The following PRICKLE1 variants were observed in gnomAD, a reference collection of about 807,000 sequenced individuals.
PRICKLE1 encodes the protein prickle-like protein 1.
PRICKLE1 carries 14 observed loss-of-function variants against 70.2 expected under a neutral mutation model. The observed-to-expected ratio is 0.20, with a 90% confidence interval of 0.13 to 0.31. The LOEUF (loss-of-function observed/expected upper bound fraction) is 0.31. Among genes scored for constraint, PRICKLE1 ranks in the 10% least tolerant of loss-of-function variants. PRICKLE1 has a pLI of 1.00. For missense variants in PRICKLE1, 821 were observed against 1,026.2 expected, an observed-to-expected ratio of 0.80 and a Z score of 2.73; for synonymous variants, 357 against 379.9, an observed-to-expected ratio of 0.94 and a Z score of 0.70.
chr12:42,570,025 A>C (rs1940681644), intron 1 of PRICKLE1, among the ~76,000 whole-genome samples: 1 of 152,256 alleles, frequency 6.6e-6, no homozygotes, highest in South Asian at 2.1e-4. Flanking sequence ...GTGCTAATGG[A>C]CAAGTAAACT....
chr12:42,588,366 A>T (rs1218563845), intron 1 of PRICKLE1, among the ~76,000 whole-genome samples: 1 of 152,256 alleles, frequency 6.6e-6, no homozygotes, highest in Non-Finnish European at 1.5e-5. Flanking sequence ...ATGCATGAAC[A>T]GATACAAGAT....
intron 1 of PRICKLE1, among the ~76,000 whole-genome samples, chr12:42,555,607 A>G (rs1333410144): frequency 6.6e-6 from 1 of 152,220 alleles, no homozygotes; most frequent in Non-Finnish European, 1.5e-5. Flanking sequence ...GTTGAGTTTC[A>G]AATGACACAG....
chr12:42,479,410 T>C (rs1938706377), intron 1 of PRICKLE1, among the ~76,000 whole-genome samples: 1 of 152,232 alleles, frequency 6.6e-6, no homozygotes, highest in Non-Finnish European at 1.5e-5. Flanking sequence ...CGTGCACACA[T>C]TCGCACACAG....
In PRICKLE1 at chr12:42,472,556, C is replaced by T. The variant is rs370363439; in HGVS notation, c.-40G>A. ...GGTTTCTCAGTCACAGGACATCAAA[C>T]AATGGCTGCTGTGAACAATATAAGA... is the stretch of plus-strand genomic sequence containing the variant. On this transcript the variant is annotated 5_prime_UTR_variant, in exon 2 of 8. Coordinates refer to ENST00000345127, the MANE Select transcript of PRICKLE1 (RefSeq NM_153026.3). 1.1e-4 allele frequency: 171 copies of T among 1,613,496 alleles called. No homozygotes were observed. The highest frequency in any genetic ancestry group is 1.4e-4 in the Non-Finnish European group (160 of 1,179,634).
intron 1 of PRICKLE1, among the ~76,000 whole-genome samples, chr12:42,503,651 G>T (rs1174584413): frequency 1.3e-5 from 2 of 152,148 alleles, no homozygotes; most frequent in Non-Finnish European, 2.9e-5. Flanking sequence ...TAAAAATTAA[G>T]AAAGCTGATT....
Position 42,477,464 on chromosome 12 carries a change from A to ATG in PRICKLE1, c.-48-4902_-48-4901dup, listed in dbSNP as rs1242662444. ...TGTGTATATATGTATATACGTATAT[A>ATG]TGTGTGTGTGTGTGTGTGTATATAT... is the stretch of plus-strand genomic sequence containing the variant. On this transcript the variant is annotated intron_variant, in intron 1 of 7. Transcript: ENST00000345127. Among the ~76,000 whole-genome samples the ATG allele has an allele frequency of 3.9e-3, 422 of 107,288 alleles. 4 individuals carry two copies. Among genetic ancestry groups the ATG allele is most frequent in the African/African-American group, 6.7e-3 (229 of 34,250 alleles). 70.4% of individuals were successfully genotyped at this position (107,288 alleles called of 152,430 possible). A position where few individuals can be genotyped will look rare whatever the true frequency, so the allele number is the denominator to read the frequency against.
intron 1 of PRICKLE1, among the ~76,000 whole-genome samples, chr12:42,535,929 T>G (rs1054132184): frequency 1.3e-5 from 2 of 152,186 alleles, no homozygotes; most frequent in African/African-American, 4.8e-5. Context: ...GATAGTCCCT[T>G]TCCCCCTTGG....
intron 1 of PRICKLE1, among the ~76,000 whole-genome samples, chr12:42,572,469 A>AAATAAATT (rs1453742952): frequency 1.4e-5 from 2 of 146,598 alleles, no homozygotes; most frequent in African/African-American, 5.2e-5. Context: ...ATAAATAAAT[A>AAATAAATT]AATTAAAAAT....
At chr12:42,493,501 A>G (rs1254030960) in intron 1 of PRICKLE1, among the ~76,000 whole-genome samples, 1 of 152,222 alleles carries the variant, frequency 6.6e-6, no homozygotes, top group East Asian at 1.9e-4. Context: ...TCTCTTTAGA[A>G]AGCCTGAATT....
At chr12:42,481,509 T>A (rs1938792930) in intron 1 of PRICKLE1, among the ~76,000 whole-genome samples, 1 of 152,158 alleles carries the variant, frequency 6.6e-6, no homozygotes, top group African/African-American at 2.4e-5. Flanking sequence ...TAGGCCAACA[T>A]TCCCTAGGTG....
At position 42,568,158 on chromosome 12, in the gene PRICKLE1, T is replaced by G. The variant is rs142684708; in HGVS notation, c.-49+21307A>C. Among the ~76,000 whole-genome samples, 240 of 152,320 alleles carry G rather than the reference T, an allele frequency of 1.6e-3. 2 individuals carry two copies. The highest frequency in any genetic ancestry group is 3.7e-3 in the Admixed American group (56 of 15,306). Reference sequence around the variant, plus strand: ...CTATGCTTTGAAAAATAGGGAACACTTTTTGCATTATTTTATTTTACATAT... The same window carrying G: ...CTATGCTTTGAAAAATAGGGAACACGTTTTGCATTATTTTATTTTACATAT... On this transcript the variant is annotated intron_variant, in intron 1 of 7. Transcript: ENST00000345127.
intron 1 of PRICKLE1, among the ~76,000 whole-genome samples, chr12:42,503,855 TTCCTCCCAGTG>T (rs1314882314): frequency 7.9e-5 from 12 of 152,166 alleles, no homozygotes; most frequent in Admixed American, 1.3e-4. Context: ...TCTCCCGAAA[TTCCTCCCAGTG>T]TCCTCCCATC....
At chr12:42,545,903 T>C (rs1430958088) in intron 1 of PRICKLE1, among the ~76,000 whole-genome samples, 3 of 150,552 alleles carry the variant, frequency 2.0e-5, no homozygotes, top group Admixed American at 6.6e-5. Flanking sequence ...TCCATATATA[T>C]ATATATATGG....
intron 1 of PRICKLE1, among the ~76,000 whole-genome samples, chr12:42,477,482 G>GTGTATA (rs1350601331): frequency 8.6e-6 from 1 of 116,384 alleles, no homozygotes; most frequent in African/African-American, 3.1e-5. Flanking sequence ...GTGTGTGTGT[G>GTGTATA]TATATATATA....
chr12:42,584,059 T>G (rs1190855930), intron 1 of PRICKLE1, among the ~76,000 whole-genome samples: 1 of 152,132 alleles, frequency 6.6e-6, no homozygotes, highest in South Asian at 2.1e-4. Flanking sequence ...CTAAAAAGGG[T>G]TCAGTGTTCA....
At chr12:42,531,021 C>G (rs991074884) in intron 1 of PRICKLE1, among the ~76,000 whole-genome samples, 6 of 145,362 alleles carry the variant, frequency 4.1e-5, no homozygotes, top group Admixed American at 1.4e-4. Flanking sequence ...TGGTATTGCC[C>G]TATTGCTAAA....
rs765001355 is a variant in PRICKLE1, at chr12:42,460,191, G to A, written c.2114C>T (p.Thr705Ile). The A allele has an allele frequency of 5.0e-6, 8 of 1,614,104 alleles. No homozygotes were observed. Among genetic ancestry groups the A allele is most frequent in the Non-Finnish European group, 6.8e-6 (8 of 1,180,034 alleles). The part of the protein sequence containing the change: ...YSPKDRLRLY[T>I]PDNYEKFIQN... Reference sequence around the variant, plus strand: ...TATAAATTTCTCATAGTTATCGGGGGTGTACAGCCGCAGTCTGTCCTTGGG... The same window carrying A: ...TATAAATTTCTCATAGTTATCGGGGATGTACAGCCGCAGTCTGTCCTTGGG... The change falls in exon 8 of 8, where the codon ACC (threonine) becomes ATC (isoleucine). Residue 705 changes from threonine (T) to isoleucine (I), a missense_variant. Physicochemically the swap from Thr to Ile is moderately conservative, Grantham distance 89. Transcript: ENST00000345127.
intron 1 of PRICKLE1, among the ~76,000 whole-genome samples, chr12:42,521,578 T>C (rs1336825398): frequency 3.3e-5 from 5 of 152,192 alleles, no homozygotes; most frequent in African/African-American, 9.6e-5. Context: ...CATGTGCCTA[T>C]AGTCCCAGCT....
At chr12:42,463,748 T>G (rs942846613) in intron 7 of PRICKLE1, 2 of 153,504 alleles carry the variant, frequency 1.3e-5, no homozygotes, top group African/African-American at 4.8e-5. Flanking sequence ...GTAAAGTGTG[T>G]GGGCCAATTT....
Sources: allele counts gnomAD v4.1 joint callset (sites outside exome capture counted in the v4.1 genomes callset), GRCh38; gene constraint gnomAD v4.1.1; transcripts MANE v1.5; gene names NCBI Gene and HGNC (gene_info 2026-07-23, HGNC 2026-07-21).